Variants in SYT1 observed in about 807,000 individuals in gnomAD.
SYT1 encodes synaptotagmin-1.
Under a neutral mutation model 44.8 loss-of-function variants are expected in SYT1, and 8 were observed. The ratio of observed to expected loss-of-function variants is 0.18; its 90% CI spans 0.10 to 0.32. SYT1 has a LOEUF of 0.32. SYT1 is among the 10% of genes least tolerant of loss of function. The probability of loss-of-function intolerance (pLI) is 1.00; values close to 1 mark genes in which losing one functional copy is unlikely to be tolerated. For missense variants in SYT1, 286 were observed against 509.3 expected, an observed-to-expected ratio of 0.56 and a Z score of 4.22; for synonymous variants, 154 against 188.8, an observed-to-expected ratio of 0.82 and a Z score of 1.51.
intron 3 of SYT1, among the ~76,000 whole-genome samples, chr12:79,176,008 G>A (rs1230158114): frequency 6.6e-6 from 1 of 151,932 alleles, no homozygotes; most frequent in Admixed American, 6.6e-5. Context: ...AGTACAGAGC[G>A]GGCCGGGTGT....
At chr12:78,915,129 G>C (rs962781110) in intron 1 of SYT1, among the ~76,000 whole-genome samples, 2 of 152,022 alleles carry the variant, frequency 1.3e-5, no homozygotes, top group African/African-American at 2.4e-5. Flanking sequence ...GAAGATTGAA[G>C]TAGTGGCTTG....
intron 4 of SYT1, among the ~76,000 whole-genome samples, chr12:79,249,036 T>G (rs913793704): frequency 6.6e-6 from 1 of 151,328 alleles, no homozygotes; most frequent in East Asian, 1.9e-4. Flanking sequence ...CGGCTTAGAG[T>G]TGTTGAAGGG....
chr12:78,965,426 T>C (rs891458153), intron 1 of SYT1, among the ~76,000 whole-genome samples: 2 of 152,228 alleles, frequency 1.3e-5, no homozygotes, highest in Non-Finnish European at 2.9e-5. Flanking sequence ...AGCTTCCTAC[T>C]GAATATTTGT....
intron 4 of SYT1, among the ~76,000 whole-genome samples, chr12:79,271,498 G>A (rs1292246599): frequency 6.6e-6 from 1 of 152,048 alleles, no homozygotes; most frequent in East Asian, 1.9e-4. Context: ...GAGAAATTGA[G>A]TTCTTTTAGT....
At chr12:79,369,392 C>T (rs549490476) in intron 9 of SYT1, among the ~76,000 whole-genome samples, 1 of 152,278 alleles carries the variant, frequency 6.6e-6, no homozygotes, top group African/African-American at 2.4e-5. Context: ...AGGAGGATTG[C>T]TTGAGCCCAG....
intron 4 of SYT1, among the ~76,000 whole-genome samples, chr12:79,272,920 C>T (rs1017702172): frequency 2.7e-5 from 4 of 147,416 alleles, no homozygotes; most frequent in Non-Finnish European, 4.4e-5. Flanking sequence ...TTGGGTTTGA[C>T]CAAAAAAAGC....
At chr12:78,990,325 G>A (rs1869933166) in intron 2 of SYT1, among the ~76,000 whole-genome samples, 1 of 152,128 alleles carries the variant, frequency 6.6e-6, no homozygotes, top group East Asian at 1.9e-4. Context: ...TTCTGATGGT[G>A]ATCTAGGTAA....
chr12:79,044,195 T>C (rs1240646022), intron 2 of SYT1, among the ~76,000 whole-genome samples: 1 of 152,138 alleles, frequency 6.6e-6, no homozygotes, highest in Non-Finnish European at 1.5e-5. Flanking sequence ...TTGGGGAAGT[T>C]CTCCTGGATA....
intron 3 of SYT1, among the ~76,000 whole-genome samples, chr12:79,048,674 T>C (rs1380290529): frequency 6.6e-6 from 1 of 151,956 alleles, no homozygotes; most frequent in African/African-American, 2.4e-5. Context: ...TAACTCTAAA[T>C]GTATGAAAGT....
chr12:79,100,105 AAAT>A (rs557720942), intron 3 of SYT1, among the ~76,000 whole-genome samples: 146 of 152,162 alleles, frequency 9.6e-4, no homozygotes, highest in African/African-American at 3.3e-3. Context: ...GATGTATGTT[AAAT>A]AATAATAACG....
At chr12:79,133,365 C>G (rs1358483041) in intron 3 of SYT1, among the ~76,000 whole-genome samples, 1 of 151,970 alleles carries the variant, frequency 6.6e-6, no homozygotes, top group African/African-American at 2.4e-5. Context: ...GCCTGGGTGT[C>G]AGAGTGAGAC....
chr12:79,294,033 A>C (rs1037182493), intron 6 of SYT1, among the ~76,000 whole-genome samples: 48 of 152,110 alleles, frequency 3.2e-4, no homozygotes, highest in Non-Finnish European at 5.9e-5. Context: ...TTTTCCAAAA[A>C]TTTAATCTGG....
At chr12:78,880,480 C>A (rs1874392938) in intron 1 of SYT1, among the ~76,000 whole-genome samples, 1 of 151,462 alleles carries the variant, frequency 6.6e-6, no homozygotes. Flanking sequence ...TCCCTTTGAT[C>A]ATTAGACTGT....
intron 3 of SYT1, among the ~76,000 whole-genome samples, chr12:79,096,179 A>T (rs889262933): frequency 1.3e-5 from 2 of 151,936 alleles, no homozygotes; most frequent in Non-Finnish European, 2.9e-5. Context: ...CCTTTCTTTA[A>T]TTCCCTTTTC....
intron 2 of SYT1, among the ~76,000 whole-genome samples, chr12:78,999,231 A>G (rs903243252): frequency 8.5e-5 from 13 of 152,146 alleles, no homozygotes; most frequent in African/African-American, 3.1e-4. Context: ...CTGTGGTCCT[A>G]AGTGTTTTTG....
intron 3 of SYT1, among the ~76,000 whole-genome samples, chr12:79,106,127 A>G (rs924799709): frequency 1.3e-5 from 2 of 152,214 alleles, no homozygotes; most frequent in African/African-American, 4.8e-5. Flanking sequence ...GCTATCCAGC[A>G]AGCAGTTGGA....
At chr12:79,288,644 A>G (rs1253296659) in intron 5 of SYT1, among the ~76,000 whole-genome samples, 1 of 152,222 alleles carries the variant, frequency 6.6e-6, no homozygotes, top group Non-Finnish European at 1.5e-5. Flanking sequence ...ATATATATTT[A>G]TGTGTTCTTT....
In SYT1 at chr12:79,179,494, T is replaced by TATATAG. The variant is rs1182410609; in HGVS notation, c.-17-37991_-17-37986dup. 1.3e-3 allele frequency among the ~76,000 whole-genome samples: 137 copies of TATATAG among 108,420 alleles called. 2 individuals carry two copies. Among genetic ancestry groups the TATATAG allele is most frequent in the Middle Eastern group, 5.7e-3 (1 of 174 alleles). 71.1% of individuals were successfully genotyped at this position (108,420 alleles called of 152,430 possible). On this transcript the variant is annotated intron_variant, in intron 3 of 10. Coordinates refer to ENST00000261205, the MANE Select transcript of SYT1 (RefSeq NM_005639.3). ...ATAGATATAGAGATATAGATATATC[T>TATATAG]ATATAGATATAGATATAGATATATC...
At chr12:79,069,168 C>T (rs748012189) in intron 3 of SYT1, among the ~76,000 whole-genome samples, 9 of 152,120 alleles carry the variant, frequency 5.9e-5, no homozygotes, top group Non-Finnish European at 1.3e-4. Context: ...ACAGGAATGG[C>T]AGGTGTTCAT....
Sources: allele counts gnomAD v4.1 joint callset (sites outside exome capture counted in the v4.1 genomes callset), GRCh38; gene constraint gnomAD v4.1.1; transcripts MANE v1.5; gene names NCBI Gene and HGNC (gene_info 2026-07-23, HGNC 2026-07-21).